The following SEC63 variants were observed in gnomAD, a reference collection of about 807,000 sequenced individuals.
SEC63 encodes translocation protein SEC63 homolog.
Under a neutral mutation model 116.2 loss-of-function variants are expected in SEC63, and 56 were observed. That is an observed-to-expected ratio of 0.48 (90% CI 0.39 to 0.60). The LOEUF (loss-of-function observed/expected upper bound fraction) is 0.60, where lower values mean the gene tolerates loss of function less well. Ranked by LOEUF, SEC63 falls within the 20% of genes least tolerant of loss-of-function variation. The pLI, the probability that SEC63 is intolerant of heterozygous loss-of-function variation, is 0.00. For missense variants in SEC63, 668 were observed against 900.0 expected, an observed-to-expected ratio of 0.74 and a Z score of 3.30; for synonymous variants, 273 against 294.6, an observed-to-expected ratio of 0.93 and a Z score of 0.75.
intron 1 of SEC63, among the ~76,000 whole-genome samples, chr6:107,944,861 T>C (rs997755858): frequency 6.6e-6 from 1 of 152,188 alleles, no homozygotes; most frequent in Non-Finnish European, 1.5e-5. Flanking sequence ...CTGCTGTACC[T>C]GTACGGTCAA....
At chr6:107,925,178 A>G (rs1412938971) in intron 2 of SEC63, among the ~76,000 whole-genome samples, 1 of 152,200 alleles carries the variant, frequency 6.6e-6, no homozygotes, top group Non-Finnish European at 1.5e-5. Context: ...TATTTGCACA[A>G]TTTTAAATAC....
At chr6:107,937,876 T>C (rs1200879295) in intron 1 of SEC63, among the ~76,000 whole-genome samples, 3 of 152,208 alleles carry the variant, frequency 2.0e-5, no homozygotes, top group Admixed American at 1.3e-4. Flanking sequence ...GCCCACTTAA[T>C]GGGGATATTT....
chr6:107,916,761 G>A (rs1048419663), intron 4 of SEC63, among the ~76,000 whole-genome samples: 9 of 152,110 alleles, frequency 5.9e-5, no homozygotes, highest in Non-Finnish European at 1.0e-4. Flanking sequence ...TCATTGCGGG[G>A]CTGGCACACA....
In SEC63 at chr6:107,883,162, A is replaced by G. The variant is rs1444732569; in HGVS notation, c.1675-16T>C. ...CTGCAGCTTCCTAAAAGGGAAAGGC[A>G]AACACAAAGATTCTGCATATCTCAA... On this transcript the variant is annotated splice_polypyrimidine_tract_variant and intron_variant, in intron 16 of 20. Transcript: ENST00000369002. 1 of 1,610,668 alleles carries G rather than the reference A, an allele frequency of 6.2e-7. No homozygotes were observed. Among genetic ancestry groups the G allele is most frequent in the Admixed American group, 1.7e-5 (1 of 59,948 alleles).
intron 11 of SEC63, among the ~76,000 whole-genome samples, chr6:107,904,315 CAGG>C (rs910414953): frequency 7.3e-5 from 11 of 151,178 alleles, no homozygotes; most frequent in African/African-American, 2.2e-4. Flanking sequence ...GAGGCTGAGG[CAGG>C]AGAATCGCTT....
intron 1 of SEC63, among the ~76,000 whole-genome samples, chr6:107,949,093 C>T (rs1287438014): frequency 6.6e-6 from 1 of 152,108 alleles, no homozygotes; most frequent in African/African-American, 2.4e-5. Context: ...TCCCTTGGCC[C>T]CTACATCCAC....
rs538035424 is a variant in SEC63 at position 107,893,774 on chromosome 6, T to C, written c.1500+64A>G. ...ACTCTCCCAGAGCAATATAAGTCAA[T>C]TGGAAAAGTAAATAAAATATTTCTT... is the stretch of plus-strand genomic sequence containing the variant. On this transcript the variant is annotated intron_variant, in intron 15 of 20. Coordinates refer to ENST00000369002, the MANE Select transcript of SEC63 (RefSeq NM_007214.5). 7.8e-5 allele frequency: 125 copies of C among 1,604,382 alleles called. No individual in the cohort carries two copies. The African/African-American group carries it at 1.5e-3, about 19-fold the overall frequency.
intron 1 of SEC63, among the ~76,000 whole-genome samples, chr6:107,935,652 C>A (rs999384025): frequency 6.8e-6 from 1 of 145,988 alleles, no homozygotes; most frequent in Non-Finnish European, 1.5e-5. Flanking sequence ...ACAAACACTG[C>A]GGAAGGCCGC....
intron 14 of SEC63, 147 bp from the exon 15 acceptor site, chr6:107,894,044 CT>C (rs1365177105): frequency 3.6e-6 from 3 of 823,272 alleles, no homozygotes; most frequent in Non-Finnish European, 6.0e-6. Flanking sequence ...CAATTACTAG[CT>C]GATGAATGTG....
chr6:107,953,841 G>A (rs913920246), intron 1 of SEC63, among the ~76,000 whole-genome samples: 4 of 143,098 alleles, frequency 2.8e-5, no homozygotes, highest in Non-Finnish European at 4.6e-5. Flanking sequence ...CGGGAGGGAG[G>A]TGGGGGGGTC....
chr6:107,904,511 G>T, intron 11 of SEC63, 118 bp downstream of exon 11: 2 of 752,840 alleles, frequency 2.7e-6, no homozygotes, highest in Non-Finnish European at 4.7e-6. Context: ...TAAAATTGAA[G>T]AAGCTCACTG....
intron 1 of SEC63, among the ~76,000 whole-genome samples, chr6:107,930,401 A>T (rs528505380): frequency 1.3e-5 from 2 of 151,852 alleles, no homozygotes; most frequent in Non-Finnish European, 2.9e-5. Flanking sequence ...ACCTGAGGTC[A>T]GGAGTTCGAG....
intron 1 of SEC63, among the ~76,000 whole-genome samples, chr6:107,953,876 G>A (rs7775706): frequency 1.7e-5 from 2 of 118,980 alleles, no homozygotes; most frequent in East Asian, 3.3e-4. Context: ...CCAGCCGCCC[G>A]GTCCGGGAGG....
At chr6:107,936,813 GA>G (rs1770255885) in intron 1 of SEC63, among the ~76,000 whole-genome samples, 1 of 152,168 alleles carries the variant, frequency 6.6e-6, no homozygotes, top group African/African-American at 2.4e-5. Flanking sequence ...AGAGGTGAAG[GA>G]ACGTTAGCCA....
chr6:107,945,570 C>G (rs1274205598), intron 1 of SEC63, among the ~76,000 whole-genome samples: 6 of 151,942 alleles, frequency 3.9e-5, no homozygotes, highest in African/African-American at 1.5e-4. Context: ...TCCCAAAGTG[C>G]TGGGATTACA....
chr6:107,907,455 G>A (rs781225850), intron 8 of SEC63, among the ~76,000 whole-genome samples: 76 of 152,084 alleles, frequency 5.0e-4, no homozygotes, highest in Non-Finnish European at 9.0e-4. Context: ...AGTGGTGCAC[G>A]CCTGTAATCC....
intron 1 of SEC63, among the ~76,000 whole-genome samples, chr6:107,932,766 G>T (rs772641978): frequency 6.6e-6 from 1 of 152,078 alleles, no homozygotes; most frequent in Non-Finnish European, 1.5e-5. Flanking sequence ...CCTAGGAGCA[G>T]AAAAATCCTA....
chr6:107,943,135 A>G (rs1235732995), intron 1 of SEC63, among the ~76,000 whole-genome samples: 1 of 152,254 alleles, frequency 6.6e-6, no homozygotes, highest in Non-Finnish European at 1.5e-5. Flanking sequence ...GATTAGCGTC[A>G]CACGATGTTT....
intron 1 of SEC63, among the ~76,000 whole-genome samples, chr6:107,944,359 T>C (rs889057137): frequency 6.6e-6 from 1 of 152,272 alleles, no homozygotes; most frequent in East Asian, 1.9e-4. Context: ...CAAGTGGAAA[T>C]GTGGGTTAAG....
Sources: allele counts gnomAD v4.1 joint callset (sites outside exome capture counted in the v4.1 genomes callset), GRCh38; gene constraint gnomAD v4.1.1; transcripts MANE v1.5; gene names NCBI Gene and HGNC (gene_info 2026-07-23, HGNC 2026-07-21).